NIN: variants seen among roughly 807,000 people sequenced by gnomAD.
NIN encodes the protein glycogen synthase kinase 3 beta-interacting protein.
NIN carries 137 observed loss-of-function variants against 257.6 expected under a neutral mutation model. The ratio of observed to expected loss-of-function variants is 0.53; its 90% CI spans 0.46 to 0.61. The LOEUF is 0.61. NIN is among the 20% of genes least tolerant of loss of function. NIN has a pLI of 0.00. For missense variants in NIN, 2,439 were observed against 2,501.2 expected, an observed-to-expected ratio of 0.98 and a Z score of 0.53; for synonymous variants, 918 against 919.8, an observed-to-expected ratio of 1.00 and a Z score of 0.04.
chr14:50,824,234 A>G (rs1215805479), intron 2 of NIN, among the ~76,000 whole-genome samples: 3 of 152,240 alleles, frequency 2.0e-5, no homozygotes, highest in Non-Finnish European at 4.4e-5. Context: ...AAAGAGAGGA[A>G]TAAAACACTG....
At chr14:50,741,483 T>A in intron 25 of NIN, 99 bp downstream of exon 25, 1 of 904,756 alleles carries the variant, frequency 1.1e-6, no homozygotes, top group East Asian at 2.5e-5. Flanking sequence ...TGCATATTTA[T>A]ATGTACATAC....
At chr14:50,811,767 G>A (rs1377818325) in intron 3 of NIN, among the ~76,000 whole-genome samples, 1 of 151,792 alleles carries the variant, frequency 6.6e-6, no homozygotes, top group Non-Finnish European at 1.5e-5. Flanking sequence ...GGCTGAGGTG[G>A]GCGGATCACA....
chr14:50,772,682 T>C (rs2042783750), intron 8 of NIN, among the ~76,000 whole-genome samples: 1 of 152,202 alleles, frequency 6.6e-6, no homozygotes, highest in Admixed American at 6.5e-5. Context: ...TTCTATGACA[T>C]AGACGAGATA....
At chr14:50,811,544 C>CTTTTTTTTTTTTTTTT (rs55734117) in intron 3 of NIN, among the ~76,000 whole-genome samples, 2 of 75,276 alleles carry the variant, frequency 2.7e-5, no homozygotes, top group Non-Finnish European at 2.4e-5. Flanking sequence ...AATGGTCAAG[C>CTTTTTTTTTTTTTTTT]TTTTTTTTTT....
In NIN at chr14:50,729,513, A is replaced by G. The variant is rs750465814; in HGVS notation, c.6078+10T>C. 8.7e-6 allele frequency: 14 copies of G among 1,610,274 alleles called. No homozygotes were observed. In the Admixed American group the frequency reaches 1.7e-4, roughly 19 times the overall value. Reference sequence around the variant, plus strand: ...ACAGGTGATCTACTAGAGTAGAGAGAGCTTCATACCTGTGGTGTGTTGGTT... The same window carrying G: ...ACAGGTGATCTACTAGAGTAGAGAGGGCTTCATACCTGTGGTGTGTTGGTT... On this transcript the variant is annotated intron_variant, in intron 29 of 30. Coordinates refer to ENST00000530997, the MANE Select transcript of NIN (RefSeq NM_020921.4).
intron 15 of NIN, among the ~76,000 whole-genome samples, chr14:50,763,327 G>A (rs2141679416): frequency 6.6e-6 from 1 of 152,174 alleles, no homozygotes; most frequent in African/African-American, 2.4e-5. Flanking sequence ...CAAAGGCCAG[G>A]AGGCCAGCCC....
At position 50,724,470 on chromosome 14, in the gene NIN, A is replaced by T. The variant is rs966883994; in HGVS notation, c.6193-798T>A. On this transcript the variant is annotated intron_variant, in intron 30 of 30. Coordinates refer to ENST00000530997, the MANE Select transcript of NIN (RefSeq NM_020921.4). ...CAGCACTCTCAAGCTCAGAACCTAG[A>T]TGACTGGCAGACATCACATAACATT... Among the ~76,000 whole-genome samples, 19 of 152,202 alleles carry T rather than the reference A, an allele frequency of 1.2e-4. 1 individual carries two copies. The highest frequency in any genetic ancestry group is 1.2e-3 in the Admixed American group (19 of 15,274).
intron 25 of NIN, among the ~76,000 whole-genome samples, chr14:50,740,044 A>AT (rs1412832091): frequency 2.0e-5 from 3 of 152,116 alleles, no homozygotes; most frequent in Non-Finnish European, 4.4e-5. Context: ...TACCAAAGTG[A>AT]TTTTTTGGAT....
At chr14:50,825,334 A>G (rs1480330696) in intron 2 of NIN, among the ~76,000 whole-genome samples, 3 of 152,226 alleles carry the variant, frequency 2.0e-5, no homozygotes, top group African/African-American at 7.2e-5. Context: ...TTATATAACT[A>G]AATGATAATG....
chr14:50,805,934 T>G (rs2044304896), intron 4 of NIN: 2 of 152,082 alleles, frequency 1.3e-5, no homozygotes, highest in African/African-American at 4.8e-5. Context: ...AACCAGACTG[T>G]ACTGTAATAT....
At chr14:50,748,946 A>G (rs566795970) in intron 21 of NIN, among the ~76,000 whole-genome samples, 1 of 152,234 alleles carries the variant, frequency 6.6e-6, no homozygotes, top group African/African-American at 2.4e-5. Context: ...TCTTCACAGA[A>G]TTAGAAAAAA....
At chr14:50,773,888 G>T (rs1324505046) in intron 7 of NIN, among the ~76,000 whole-genome samples, 1 of 152,186 alleles carries the variant, frequency 6.6e-6, no homozygotes, top group Non-Finnish European at 1.5e-5. Flanking sequence ...CTCCACAGAG[G>T]AATGGGAAGG....
intron 27 of NIN, among the ~76,000 whole-genome samples, chr14:50,736,764 C>G (rs963339623): frequency 2.6e-5 from 4 of 152,142 alleles, no homozygotes; most frequent in African/African-American, 9.7e-5. Context: ...GGTCTTCTTA[C>G]TGCAAATGGT....
chr14:50,806,538 G>A (rs1595907026), intron 4 of NIN, 199 bp downstream of exon 4: 3 of 482,868 alleles, frequency 6.2e-6, no homozygotes, highest in South Asian at 7.4e-5. Context: ...CTATGCTGCT[G>A]TAGTAGAGAA....
chr14:50,763,823 T>C lies in NIN; in HGVS notation c.1774+3A>G. ...TATCTACAGCCTGTCCGAATGTGTT[T>C]ACCGTGTTCGGGCTCAATGCCACCG... On this transcript the variant is annotated splice_donor_region_variant and intron_variant, in intron 15 of 30. Transcript: ENST00000530997. 6.2e-7 allele frequency: 1 copy of C among 1,613,954 alleles called. No individual in the cohort carries two copies. The highest frequency in any genetic ancestry group is 8.5e-7 in the Non-Finnish European group (1 of 1,179,840).
intron 4 of NIN, among the ~76,000 whole-genome samples, chr14:50,801,843 T>C (rs1223352570): frequency 6.6e-6 from 1 of 152,238 alleles, no homozygotes; most frequent in African/African-American, 2.4e-5. Context: ...TGAGTTGGCT[T>C]TTTCAAACCT....
intron 21 of NIN, among the ~76,000 whole-genome samples, chr14:50,750,999 A>G (rs2181084): frequency 0.51 from 77,420 of 151,906 alleles, 20,132 homozygotes; most frequent in African/African-American, 0.59. Context: ...TTTCTTACAC[A>G]CACAAAGGCA....
chr14:50,783,041 A>C (rs1237598799), intron 5 of NIN, among the ~76,000 whole-genome samples: 1 of 152,106 alleles, frequency 6.6e-6, no homozygotes, highest in African/African-American at 2.4e-5. Flanking sequence ...CAAAATCTTA[A>C]GGCAAGTGGG....
chr14:50,765,492 T>C (rs1295293792), intron 14 of NIN, among the ~76,000 whole-genome samples: 2 of 152,334 alleles, frequency 1.3e-5, no homozygotes, highest in South Asian at 2.1e-4. Context: ...AATTAAACTT[T>C]TTATCTAAGT....
Sources: allele counts gnomAD v4.1 joint callset (sites outside exome capture counted in the v4.1 genomes callset), GRCh38; gene constraint gnomAD v4.1.1; transcripts MANE v1.5; gene names NCBI Gene and HGNC (gene_info 2026-07-23, HGNC 2026-07-21).